The following DGKK variants were observed in gnomAD, a reference collection of about 807,000 sequenced individuals.
The protein encoded by DGKK is diacylglycerol kinase kappa.
In DGKK, 35 loss-of-function variants were observed where a neutral mutation model predicts 92.2. The ratio of observed to expected loss-of-function variants is 0.38; its 90% CI spans 0.29 to 0.50. DGKK has a LOEUF of 0.50. Among genes scored for constraint, DGKK ranks in the 20% least tolerant of loss-of-function variants. DGKK has a pLI of 0.92. For synonymous variants in DGKK, 368 were observed against 360.6 expected (o/e 1.02, Z -0.23); for missense variants, 910 against 992.2 (o/e 0.92, Z 1.11).
At chrX:50,389,940 A>G (rs1283995158) in intron 12 of DGKK, among the ~76,000 whole-genome samples, 2 of 111,400 alleles carry the variant, frequency 1.8e-5, no homozygotes, top group African/African-American at 6.5e-5. Context: ...ACTGAGATAG[A>G]TCTTCCTGCT....
chrX:50,434,564 G>T (rs1285535195), intron 1 of DGKK, among the ~76,000 whole-genome samples: 3 of 110,386 alleles, frequency 2.7e-5, no homozygotes, highest in African/African-American at 9.9e-5. Context: ...TTCCCCCAGG[G>T]GCCACTATTT....
intron 9 of DGKK, 22 bp from the exon 10 acceptor site, chrX:50,392,471 G>C (rs1557225666): frequency 8.7e-7 from 1 of 1,151,967 alleles, no homozygotes; most frequent in Non-Finnish European, 1.2e-6. Flanking sequence ...AAGAGGAAAG[G>C]GGGTCATTTC....
intron 1 of DGKK, among the ~76,000 whole-genome samples, chrX:50,426,114 C>A (rs1925731603): frequency 8.9e-6 from 1 of 112,065 alleles, no homozygotes; most frequent in Admixed American, 9.5e-5. Flanking sequence ...CTGCCCTTTT[C>A]CCAACTTGTT....
At chrX:50,390,692 G>A (rs1032171898) in intron 11 of DGKK, among the ~76,000 whole-genome samples, 1 of 111,565 alleles carries the variant, frequency 9.0e-6, no homozygotes, top group African/African-American at 3.3e-5. Flanking sequence ...AAGATCATCT[G>A]AGGTGCTTTT....
In DGKK at chrX:50,470,757, C is replaced by T. The variant is rs1479019272; in HGVS notation, c.-79G>A. On this transcript the variant is annotated 5_prime_UTR_variant, in exon 1 of 28. In the 5' UTR this introduces an upstream ATG that the reference lacks. Coordinates refer to ENST00000611977, the MANE Select transcript of DGKK (RefSeq NM_001013742.4). ...AAAGTACCCTCGGGCGCCCCGCCCA[C>T]TCCAGTCCGGCAGCCCCTCGCAGGG... The T allele has an allele frequency of 1.7e-5, 18 of 1,041,445 alleles. No homozygotes were observed. In the Admixed American group the frequency reaches 5.0e-4, roughly 29 times the overall value. The allele number at this position is 1,041,445 out of a possible 1,213,427, so 85.8% of individuals were successfully genotyped here. A position where few individuals can be genotyped will look rare whatever the true frequency, so the allele number is the denominator to read the frequency against.
rs782237769 is a variant in DGKK, at chrX:50,420,135, T to C, written c.942+268A>G. On this transcript the variant is annotated intron_variant, in intron 4 of 27. Coordinates refer to ENST00000611977, the MANE Select transcript of DGKK (RefSeq NM_001013742.4). ...TCTACATTAGCTGCTCACATACATC[T>C]TGAGTGACTCATCCATTGGGCATAC... Among the ~76,000 whole-genome samples, 41 of 111,794 alleles carry C rather than the reference T, an allele frequency of 3.7e-4. 1 individual carries two copies. The highest frequency in any genetic ancestry group is 3.1e-3 in the Admixed American group (33 of 10,576).
Position 50,418,928 on chromosome X carries a change from T to C in DGKK, c.942+1475A>G, listed in dbSNP as rs139456929. 8.6e-3 allele frequency among the ~76,000 whole-genome samples: 958 copies of C among 111,744 alleles called. 7 individuals are homozygous for C. The highest frequency in any genetic ancestry group is 0.042 in the Middle Eastern group (9 of 215). ...TTTATGCCAAATTGAAAATGTTATA[T>C]GATTCATGAGAAACCCTCCAGTTTG... is the stretch of plus-strand genomic sequence containing the variant. On this transcript the variant is annotated intron_variant, in intron 4 of 27. Transcript: ENST00000611977.
At chrX:50,382,418 G>T in intron 18 of DGKK, 78 bp downstream of exon 18, 2 of 707,179 alleles carry the variant, frequency 2.8e-6, no homozygotes, top group Non-Finnish European at 4.1e-6. Flanking sequence ...GCTTGTCTGA[G>T]AGGTAGAGAA....
chrX:50,404,218 A>T, intron 4 of DGKK, 34 bp from the exon 5 acceptor site: 1 of 1,183,104 alleles, frequency 8.5e-7, no homozygotes, highest in Non-Finnish European at 1.1e-6. Flanking sequence ...AGAATGGAGG[A>T]TGAATCACAG....
Position 50,376,174 on chromosome X carries a change from A to G in DGKK, c.3273-9T>C, listed in dbSNP as rs1274819737. On this transcript the variant is annotated splice_polypyrimidine_tract_variant and intron_variant, in intron 23 of 27. Coordinates refer to ENST00000611977, the MANE Select transcript of DGKK (RefSeq NM_001013742.4). ...TGCTCAGGTCATTAAGTCTGTAATA[A>G]AGCAAGGACAGATAGATGAGTTGGG... 1 of 1,205,776 alleles carries G rather than the reference A, an allele frequency of 8.3e-7. No homozygotes were observed. The highest frequency in any genetic ancestry group is 1.8e-5 in the African/African-American group (1 of 57,064).
chrX:50,402,054 G>C (rs957706980), intron 7 of DGKK, among the ~76,000 whole-genome samples: 1 of 111,153 alleles, frequency 9.0e-6, no homozygotes, highest in African/African-American at 3.3e-5. Context: ...ATGTCTCCTG[G>C]GGGGCTAAAT....
chrX:50,429,446 G>A lies in DGKK; in HGVS notation c.646-5088C>T, dbSNP rs572526112. 1.2e-3 allele frequency among the ~76,000 whole-genome samples: 139 copies of A among 112,170 alleles called. 2 individuals carry two copies. In the South Asian group the frequency reaches 0.034, roughly 27 times the overall value. ...CACGCCTGTAATCCCAGCACTTTGG[G>A]AGGCCGAGGCGGGCGGATCACGAGG... On this transcript the variant is annotated intron_variant, in intron 1 of 27. Transcript: ENST00000611977.
chrX:50,408,883 G>T (rs1014317659), intron 4 of DGKK, among the ~76,000 whole-genome samples: 3 of 111,685 alleles, frequency 2.7e-5, no homozygotes, highest in African/African-American at 9.8e-5. Context: ...TTTAACGCTG[G>T]AATGTGCTAT....
chrX:50,375,494 C>T (rs1387104076), intron 24 of DGKK, among the ~76,000 whole-genome samples: 1 of 111,824 alleles, frequency 8.9e-6, no homozygotes, highest in East Asian at 2.8e-4. Flanking sequence ...CAACTGTAAT[C>T]AGGCCCTGAC....
chrX:50,388,672 GCTGCCCATC>G lies in DGKK; in HGVS notation c.1927-63_1927-55del. ...GAATCTTAGTACAATAACACAGTGT[GCTGCCCATC>G]CTCATCCCCTGCAGCCTCATTGTTT... is the stretch of plus-strand genomic sequence containing the variant. On this transcript the variant is annotated intron_variant, in intron 12 of 27. Transcript: ENST00000611977. 10 of 901,060 alleles carry G rather than the reference GCTGCCCATC, an allele frequency of 1.1e-5. No homozygotes were observed. In the South Asian group the frequency reaches 2.0e-4, roughly 18 times the overall value. The allele number at this position is 901,060 out of a possible 1,213,427, so 74.3% of individuals were successfully genotyped here.
chrX:50,418,355 T>A (rs1557228765), intron 4 of DGKK, among the ~76,000 whole-genome samples: 2 of 111,889 alleles, frequency 1.8e-5, no homozygotes, highest in African/African-American at 6.5e-5. Flanking sequence ...AAGTATTGCA[T>A]CTTTTTTTTC....
chrX:50,468,955 C>T (rs1325128959), intron 1 of DGKK, among the ~76,000 whole-genome samples: 7 of 110,069 alleles, frequency 6.4e-5, no homozygotes, highest in Non-Finnish European at 1.9e-5. Flanking sequence ...TCCTGGTTTT[C>T]AGTTTTGTGG....
intron 8 of DGKK, among the ~76,000 whole-genome samples, chrX:50,395,024 T>TG (rs781936558): frequency 1.6e-3 from 172 of 105,417 alleles, no homozygotes; most frequent in African/African-American, 5.4e-3. Context: ...GTGGAGTGAG[T>TG]GGGGGGGGAG....
intron 1 of DGKK, among the ~76,000 whole-genome samples, chrX:50,451,539 T>C (rs1248899622): frequency 9.0e-6 from 1 of 111,385 alleles, no homozygotes; most frequent in Non-Finnish European, 1.9e-5. Context: ...TTATATACAA[T>C]TTATATGTAG....
Sources: allele counts gnomAD v4.1 joint callset (sites outside exome capture counted in the v4.1 genomes callset), GRCh38; gene constraint gnomAD v4.1.1; transcripts MANE v1.5; gene names NCBI Gene and HGNC (gene_info 2026-07-23, HGNC 2026-07-21).